The following TCF20 variants were observed in gnomAD, a reference collection of about 807,000 sequenced individuals.
The protein encoded by TCF20 is transcription factor 20.
A neutral mutation model predicts 148.6 loss-of-function variants in TCF20; 3 were observed. The ratio of observed to expected loss-of-function variants is 0.02; its 90% CI spans 0.01 to 0.05. The LOEUF (loss-of-function observed/expected upper bound fraction) is 0.05. Among genes scored for constraint, TCF20 ranks in the 10% least tolerant of loss-of-function variants. TCF20 has a pLI of 1.00. For missense variants in TCF20, 2,350 were observed against 2,429.3 expected (o/e 0.97, Z 0.69); for synonymous variants, 1,049 against 909.5 (o/e 1.15, Z -2.76).
chr22:42,266,430 A>C (rs1048673491), intron 1 of TCF20, among the ~76,000 whole-genome samples: 1 of 152,238 alleles, frequency 6.6e-6, no homozygotes, highest in African/African-American at 2.4e-5. Context: ...ACTCCAATTA[A>C]GTGTGATCAT....
intron 1 of TCF20, among the ~76,000 whole-genome samples, chr22:42,310,129 G>C (rs1260419541): frequency 6.6e-6 from 1 of 152,216 alleles, no homozygotes; most frequent in African/African-American, 2.4e-5. Context: ...GAAAAAATGA[G>C]GAGCAAACTC....
rs3045578 is a variant in TCF20 at position 42,243,292 on chromosome 22, C to CAAAAAAAAAAAAAAA, written c.-37+27032_-37+27046dup. ...TGGCTGGCAGAGCAAGACACTGTCT[C>CAAAAAAAAAAAAAAA]AAAAAAAAAAAAAAAAAAAAAAAAA... On this transcript the variant is annotated intron_variant, in intron 1 of 5. Coordinates refer to ENST00000677622, the MANE Select transcript of TCF20 (RefSeq NM_001378418.1). Among the ~76,000 whole-genome samples, 58 of 39,498 alleles carry CAAAAAAAAAAAAAAA rather than the reference C, an allele frequency of 1.5e-3. 12 individuals are homozygous for CAAAAAAAAAAAAAAA. The highest frequency in any genetic ancestry group is 1.7e-3 in the African/African-American group (20 of 11,754). 25.9% of individuals were successfully genotyped at this position (39,498 alleles called of 152,430 possible).
intron 1 of TCF20, chr22:42,270,066 C>G (rs1209771425): frequency 6.5e-6 from 1 of 152,958 alleles, no homozygotes; most frequent in Non-Finnish European, 1.5e-5. Context: ...CACCGGCACC[C>G]AAGCCCCGCC....
upstream of TCF20, among the ~76,000 whole-genome samples, chr22:42,284,423 G>A (rs1926985661): frequency 6.6e-6 from 1 of 152,224 alleles, no homozygotes; most frequent in Admixed American, 6.5e-5. Context: ...TTTGCACCCA[G>A]CACCTTAGGT....
At chr22:42,337,434 C>T (rs1178905294) in intron 1 of TCF20, among the ~76,000 whole-genome samples, 1 of 152,174 alleles carries the variant, frequency 6.6e-6, no homozygotes, top group Non-Finnish European at 1.5e-5. Context: ...TGCTTACAAG[C>T]CCTGGTGCCA....
intron 1 of TCF20, among the ~76,000 whole-genome samples, chr22:42,310,240 G>A (rs1165070305): frequency 6.6e-6 from 1 of 152,228 alleles, no homozygotes; most frequent in African/African-American, 2.4e-5. Flanking sequence ...AATGGAAAGT[G>A]TTTAATTAGG....
chr22:42,270,054 A>T (rs929107781), intron 1 of TCF20: 3 of 153,092 alleles, frequency 2.0e-5, no homozygotes, highest in Non-Finnish European at 4.4e-5. Context: ...CCCTCGGGCC[A>T]GCACCGGCAC....
chr22:42,168,827 G>T (rs1370658056), intron 4 of TCF20, 91 bp from the exon 5 acceptor site: 1 of 1,435,610 alleles, frequency 7.0e-7, no homozygotes, highest in Admixed American at 2.6e-5. Flanking sequence ...AGTGGCACAT[G>T]GAAAAGGAAA....
intron 1 of TCF20, among the ~76,000 whole-genome samples, chr22:42,324,364 G>A (rs1927830615): frequency 6.6e-6 from 1 of 152,016 alleles, no homozygotes; most frequent in Admixed American, 6.5e-5. Context: ...TAAGACTTGA[G>A]AGAAATGGAA....
At chr22:42,269,243 T>G in intron 1 of TCF20, among the ~76,000 whole-genome samples, 2 of 152,120 alleles carry the variant, frequency 1.3e-5, no homozygotes, top group Non-Finnish European at 2.9e-5. Context: ...TGTTAGATAA[T>G]AGCTCGAAAA....
intron 2 of TCF20, among the ~76,000 whole-genome samples, chr22:42,182,050 G>A (rs948254072): frequency 6.6e-6 from 1 of 152,212 alleles, no homozygotes; most frequent in Non-Finnish European, 1.5e-5. Context: ...GGACAGAAGA[G>A]TGGCAAGATG....
intron 2 of TCF20, among the ~76,000 whole-genome samples, chr22:42,209,061 C>T (rs1030417667): frequency 6.6e-6 from 1 of 152,190 alleles, no homozygotes; most frequent in Non-Finnish European, 1.5e-5. Flanking sequence ...CCAGGAAGAA[C>T]GACTGCAAGA....
chr22:42,205,814 C>T (rs1012472862), intron 2 of TCF20, among the ~76,000 whole-genome samples: 1 of 152,196 alleles, frequency 6.6e-6, no homozygotes, highest in African/African-American at 2.4e-5. Flanking sequence ...CTCAGTCGCC[C>T]AGGCTAGAGT....
intron 1 of TCF20, among the ~76,000 whole-genome samples, chr22:42,260,513 T>C (rs929390030): frequency 6.6e-5 from 10 of 152,100 alleles, no homozygotes; most frequent in African/African-American, 2.2e-4. Flanking sequence ...GTTCTTGAGA[T>C]GAGAGGGAAC....
upstream of TCF20, among the ~76,000 whole-genome samples, chr22:42,271,025 C>CCA (rs1926597696): frequency 6.6e-6 from 1 of 152,058 alleles, no homozygotes; most frequent in Non-Finnish European, 1.5e-5. Context: ...CCTGGAGCCT[C>CCA]CAACTCCAGA....
intron 1 of TCF20, among the ~76,000 whole-genome samples, chr22:42,246,649 G>C (rs764323360): frequency 1.3e-5 from 2 of 152,194 alleles, no homozygotes; most frequent in Non-Finnish European, 2.9e-5. Context: ...GGAGGACTGG[G>C]GAAGGAGGGC....
chr22:42,210,897 T>C lies in TCF20; in HGVS notation c.4409A>G (p.Gln1470Arg). The change falls in exon 2 of 6, where the codon CAG becomes CGG. Residue 1470 changes from glutamine to arginine, a missense_variant. Coordinates refer to ENST00000677622, the MANE Select transcript of TCF20 (RefSeq NM_001378418.1). The surrounding 1 kb of genome is among the most constrained non-coding windows in gnomAD (Gnocchi z 4.7). ...PPGAMTSTTS[Q>R]KPGSNQGRPD... is the part of the protein sequence containing the mutation. ...TCTCCCTTGGTTACTACCAGGCTTC[T>C]GTGAGGTTGTGGATGTCATGGCACC... The C allele has an allele frequency of 1.2e-6, 2 of 1,614,222 alleles. No individual in the cohort carries two copies. The highest frequency in any genetic ancestry group is 2.2e-5 in the South Asian group (2 of 91,092).
chr22:42,253,668 A>G (rs1055824768), intron 1 of TCF20, among the ~76,000 whole-genome samples: 1 of 152,232 alleles, frequency 6.6e-6, no homozygotes, highest in Non-Finnish European at 1.5e-5. Flanking sequence ...AAAAACCCTG[A>G]AAACAGTAGA....
intron 1 of TCF20, among the ~76,000 whole-genome samples, chr22:42,236,663 T>C (rs1426500184): frequency 6.6e-6 from 1 of 152,162 alleles, no homozygotes. Context: ...CCTGCAATCC[T>C]AAATTTTGAA....
Sources: allele counts gnomAD v4.1 joint callset (sites outside exome capture counted in the v4.1 genomes callset), GRCh38; gene constraint gnomAD v4.1.1; non-coding constraint Gnocchi (gnomAD v3.1); transcripts MANE v1.5; gene names NCBI Gene and HGNC (gene_info 2026-07-23, HGNC 2026-07-21).